ZNF286A: variants seen among roughly 807,000 people sequenced by gnomAD.
The protein encoded by ZNF286A is zinc finger protein 286A.
Under a neutral mutation model 49.3 loss-of-function variants are expected in ZNF286A, and 34 were observed. That is an observed-to-expected ratio of 0.69 (90% CI 0.52 to 0.92). The LOEUF (loss-of-function observed/expected upper bound fraction) is 0.92, where lower values mean the gene tolerates loss of function less well. Ranked by LOEUF, ZNF286A falls within the 40% of genes least tolerant of loss-of-function variation. ZNF286A has a pLI of 0.00. For synonymous variants in ZNF286A, 155 were observed against 200.4 expected (o/e 0.77, Z 1.91); for missense variants, 462 against 600.2 (o/e 0.77, Z 2.41).
At chr17:15,705,055 A>T (rs1990123718) in intron 3 of ZNF286A, among the ~76,000 whole-genome samples, 1 of 152,014 alleles carries the variant, frequency 6.6e-6, no homozygotes, top group South Asian at 2.1e-4. Flanking sequence ...CGCCGCGCAC[A>T]GCGTACACCA....
At position 15,715,340 on chromosome 17, in the gene ZNF286A, C is replaced by T. The variant is rs566933930; in HGVS notation, c.335-719C>T. ...TTTTTCCTTTTAAACTTAATATATCCTGGTGGTCACCTTATAGCAATATGT... is the reference window on the plus strand; with the variant it reads ...TTTTTCCTTTTAAACTTAATATATCTTGGTGGTCACCTTATAGCAATATGT... On this transcript the variant is annotated intron_variant, in intron 5 of 5. Transcript: ENST00000583566. Among the ~76,000 whole-genome samples, 71 of 151,638 alleles carry T rather than the reference C, an allele frequency of 4.7e-4. 1 individual carries two copies. Among genetic ancestry groups the T allele is most frequent in the African/African-American group, 1.7e-3 (69 of 41,364 alleles).
At chr17:15,704,832 C>T in intron 3 of ZNF286A, 3 of 1,613,402 alleles carry the variant, frequency 1.9e-6, no homozygotes, top group Middle Eastern at 3.4e-4. Context: ...GGTCTGCGGT[C>T]AGTGTCGTCA....
intron 3 of ZNF286A, chr17:15,704,923 G>A (rs1413837181): frequency 3.8e-6 from 6 of 1,564,150 alleles, no homozygotes; most frequent in African/African-American, 2.9e-5. Context: ...CCGGGGGCGG[G>A]TCCCCCCGGC....
In ZNF286A at chr17:15,719,570, G is replaced by A. The variant is rs1166723302; in HGVS notation, c.*2280G>A. On this transcript the variant is annotated 3_prime_UTR_variant, in exon 6 of 6. Transcript: ENST00000583566. ...CACTGTGTCTTCACATGGTAGAAGGGGAGAGCTCTGGTATCTTCAGCCCCT... is the reference window on the plus strand; with the variant it reads ...CACTGTGTCTTCACATGGTAGAAGGAGAGAGCTCTGGTATCTTCAGCCCCT... 2 of 151,942 alleles carry A rather than the reference G, an allele frequency of 1.3e-5. No homozygotes were observed. The highest frequency in any genetic ancestry group is 1.3e-4 in the Admixed American group (2 of 15,244). 9.4% of individuals were successfully genotyped at this position (151,942 alleles called of 1,614,324 possible). A position where few individuals can be genotyped will look rare whatever the true frequency, so the allele number is the denominator to read the frequency against.
chr17:15,711,448 C>T (rs1990640164), intron 5 of ZNF286A: 2 of 152,070 alleles, frequency 1.3e-5, no homozygotes, highest in South Asian at 2.1e-4. Flanking sequence ...TTTTAATCTC[C>T]CTTCCTTTTG....
At chr17:15,706,566 T>A in intron 4 of ZNF286A, 65 bp downstream of exon 4, 2 of 1,239,912 alleles carry the variant, frequency 1.6e-6, no homozygotes, top group Non-Finnish European at 2.2e-6. Context: ...GAAAGTGAAA[T>A]AGCTTAACAA....
intron 5 of ZNF286A, among the ~76,000 whole-genome samples, chr17:15,710,363 A>G (rs1990560906): frequency 6.6e-6 from 1 of 152,152 alleles, no homozygotes; most frequent in Non-Finnish European, 1.5e-5. Flanking sequence ...TTTTATTCCA[A>G]AATGTTCAAT....
At chr17:15,715,848 A>G (rs557223704) in intron 5 of ZNF286A, among the ~76,000 whole-genome samples, 6 of 151,974 alleles carry the variant, frequency 3.9e-5, no homozygotes, top group African/African-American at 1.4e-4. Context: ...TCCTCTTCCG[A>G]CTCTCCTGGA....
At position 15,717,365 on chromosome 17, in the gene ZNF286A, G is replaced by A. The variant is rs58734516; in HGVS notation, c.*75G>A. 150 of 1,284,806 alleles carry A rather than the reference G, an allele frequency of 1.2e-4. 3 individuals carry two copies. The highest frequency in any genetic ancestry group is 8.5e-4 in the Middle Eastern group (4 of 4,728). The allele number at this position is 1,284,806 out of a possible 1,614,324, so 79.6% of individuals were successfully genotyped here. On this transcript the variant is annotated 3_prime_UTR_variant, in exon 6 of 6. Transcript: ENST00000583566. The stretch of plus-strand genomic sequence containing the variant: ...ATACTTGAGTGTTTAGGTGGAAGGC[G>A]CATCCATAATATGCATGTGAGGACC...
At chr17:15,706,090 A>G (rs753127753) in intron 3 of ZNF286A, among the ~76,000 whole-genome samples, 1 of 152,124 alleles carries the variant, frequency 6.6e-6, no homozygotes, top group East Asian at 1.9e-4. Context: ...TTGTTGACTT[A>G]TTGGTTCATA....
intron 5 of ZNF286A, among the ~76,000 whole-genome samples, chr17:15,714,838 A>G (rs1966946881): frequency 6.6e-6 from 1 of 152,098 alleles, no homozygotes; most frequent in Non-Finnish European, 1.5e-5. Context: ...AATGAATATA[A>G]TTTATTTGAG....
In ZNF286A at chr17:15,710,271, A is replaced by T. The variant is rs1376462204; in HGVS notation, c.334+2024A>T. On this transcript the variant is annotated intron_variant, in intron 5 of 5. Transcript: ENST00000583566. ...TGGTGTGTTAGGCATATAGAATTAAACATTTTTAATAACAAACTTTTTTTT... is the reference window on the plus strand; with the variant it reads ...TGGTGTGTTAGGCATATAGAATTAATCATTTTTAATAACAAACTTTTTTTT... Among the ~76,000 whole-genome samples the T allele has an allele frequency of 2.1e-4, 31 of 150,534 alleles. No individual in the cohort carries two copies. In the South Asian group the frequency reaches 6.5e-3, roughly 32 times the overall value.
Position 15,716,580 on chromosome 17 carries a change from T to G in ZNF286A, c.856T>G (p.Leu286Val). The G allele has an allele frequency of 1.2e-6, 2 of 1,613,990 alleles. No individual in the cohort carries two copies. Among genetic ancestry groups the G allele is most frequent in the Non-Finnish European group, 1.7e-6 (2 of 1,179,972 alleles). The change falls in exon 6 of 6, where the codon TTA becomes GTA. Residue 286 changes from leucine (L) to valine (V), a missense_variant. Around this residue, in one of 3 missense-constraint regions of ZNF286A, gnomAD observed 201 missense variants for 311.3 expected, o/e 0.65. Transcript: ENST00000583566. ...CGKSFSHRAN[L>V]TKHQRTHTRI... The stretch of plus-strand genomic sequence containing the variant: ...GAAATCTTTTAGCCACAGAGCTAAT[T>G]TAACTAAACACCAGAGAACTCATAC...
At position 15,720,448 on chromosome 17, in the gene ZNF286A, G is replaced by C. The variant is rs1389767505; in HGVS notation, c.*3158G>C. On this transcript the variant is annotated 3_prime_UTR_variant, in exon 6 of 6. Coordinates refer to ENST00000583566, the MANE Select transcript of ZNF286A (RefSeq NM_001130842.2). Reference sequence around the variant, plus strand: ...TTCTTTCTGCTCTTGCTTCCATCTGGTGCTGTTTTCTGCACAGCCTCCTTG... The same window carrying C: ...TTCTTTCTGCTCTTGCTTCCATCTGCTGCTGTTTTCTGCACAGCCTCCTTG... 1 of 146,136 alleles carries C rather than the reference G, an allele frequency of 6.8e-6. No homozygotes were observed. Among genetic ancestry groups the C allele is most frequent in the East Asian group, 2.0e-4 (1 of 5,068 alleles). The allele number at this position is 146,136 out of a possible 1,614,324, so 9.1% of individuals were successfully genotyped here.
At chr17:15,715,176 A>G (rs1966965481) in intron 5 of ZNF286A, among the ~76,000 whole-genome samples, 2 of 151,898 alleles carry the variant, frequency 1.3e-5, no homozygotes, top group Non-Finnish European at 2.9e-5. Context: ...TGTTTTCCCT[A>G]TAGGTACAAA....
At chr17:15,708,054 A>G (rs1990369974) in intron 4 of ZNF286A, 101 bp from the exon 5 acceptor site, 1 of 636,314 alleles carries the variant, frequency 1.6e-6, no homozygotes, top group Non-Finnish European at 2.4e-6. Context: ...GGAATTCACT[A>G]AGGAATATGT....
In ZNF286A at chr17:15,704,401, G is replaced by A. The variant is rs193152134; in HGVS notation, c.127-1986G>A. The A allele has an allele frequency of 2.2e-3, 3,611 of 1,606,736 alleles. 56 individuals carry two copies. The African/African-American group carries it at 0.042, about 19-fold the overall frequency. ...AGTGCCACTGGCCAGGGCCCGCCCG[G>A]CTTCGGCCCTGCCGCTGGGCCCGCC... On this transcript the variant is annotated intron_variant, in intron 3 of 5. Transcript: ENST00000583566.
In ZNF286A at chr17:15,717,591, T is replaced by A. The variant is rs1370037078; in HGVS notation, c.*301T>A. The A allele has an allele frequency of 1.4e-5, 5 of 345,998 alleles. No individual in the cohort carries two copies. Among genetic ancestry groups the A allele is most frequent in the Admixed American group, 4.5e-5 (1 of 22,218 alleles). 21.4% of individuals were successfully genotyped at this position (345,998 alleles called of 1,614,324 possible). A position where few individuals can be genotyped will look rare whatever the true frequency, so the allele number is the denominator to read the frequency against. On this transcript the variant is annotated 3_prime_UTR_variant, in exon 6 of 6. Transcript: ENST00000583566. ...AGTACGAACATTGTGAAATCCAGTT[T>A]TCCCCTCTCTTGTTTATGTCAGAGC...
chr17:15,712,359 G>T (rs1372484642), intron 5 of ZNF286A, among the ~76,000 whole-genome samples: 1 of 152,154 alleles, frequency 6.6e-6, no homozygotes, highest in African/African-American at 2.4e-5. Flanking sequence ...TCCCAAATTG[G>T]TATTTCCATC....
Sources: gnomAD v4.1 joint callset for allele counts (sites outside exome capture counted in the v4.1 genomes callset) on GRCh38, gnomAD v4.1.1 for gene constraint, gnomAD v4.1.1 regional missense constraint, MANE v1.5 for transcripts, NCBI Gene and HGNC (gene_info 2026-07-23, HGNC 2026-07-21) for gene names.